DHX16: variants seen among roughly 807,000 people sequenced by gnomAD.
The protein encoded by DHX16 is DEAH-box helicase 16.
A neutral mutation model predicts 131.2 loss-of-function variants in DHX16; 81 were observed. That is an observed-to-expected ratio of 0.62 (90% CI 0.52 to 0.74). The LOEUF (loss-of-function observed/expected upper bound fraction) is 0.74. Among genes scored for constraint, DHX16 ranks in the 30% least tolerant of loss-of-function variants. The pLI is 0.00. For missense variants in DHX16, 980 were observed against 1,363.1 expected, an observed-to-expected ratio of 0.72 and a Z score of 4.43; for synonymous variants, 440 against 520.2, an observed-to-expected ratio of 0.85 and a Z score of 2.10.
In DHX16 at chr6:30,665,487, G is replaced by A. The variant is rs765508826; in HGVS notation, c.913C>T (p.Arg305Ter). 6.8e-6 allele frequency: 11 copies of A among 1,612,724 alleles called. No homozygotes were observed. In the South Asian group the frequency reaches 7.7e-5, roughly 11 times the overall value. Reference protein sequence around the residue: ...TNRYHMPKETRGQPARAVDLV... With the variant: ...TNRYHMPKET ...ACGCCGCTTCACCTCACCTGTCCTC[G>A]GGTTTCCTTGGGCATGTGGTAGCGA... Residue 305 changes from arginine to a stop codon, truncating the protein, a stop_gained, in exon 5 of 20, where the codon CGA (arginine) becomes TGA (stop). Coordinates refer to ENST00000376442, the MANE Select transcript of DHX16 (RefSeq NM_003587.5). LOFTEE classifies it high-confidence loss of function. The surrounding 1 kb of genome is among the most constrained non-coding windows in gnomAD (Gnocchi z 4.8).
intron 9 of DHX16, among the ~76,000 whole-genome samples, chr6:30,660,973 C>CT (rs1326086497): frequency 6.6e-6 from 1 of 151,922 alleles, no homozygotes; most frequent in Non-Finnish European, 1.5e-5. Context: ...TCTCAGCTCA[C>CT]TGCAAGCTCC....
At chr6:30,661,274 G>A (rs527416408) in intron 9 of DHX16, among the ~76,000 whole-genome samples, 4 of 152,228 alleles carry the variant, frequency 2.6e-5, no homozygotes, top group Non-Finnish European at 4.4e-5. Context: ...TAGTAGAGAC[G>A]GGGTTTCACC....
chr6:30,657,936 T>A (rs536114798), intron 12 of DHX16, among the ~76,000 whole-genome samples: 158 of 152,342 alleles, frequency 1.0e-3, no homozygotes, highest in African/African-American at 3.8e-3. Context: ...TATTTATGCA[T>A]CCACTGCTTC....
In DHX16 at chr6:30,662,394, G is replaced by A. The variant is rs1768593579; in HGVS notation, c.1544+233C>T. Among the ~76,000 whole-genome samples the A allele has an allele frequency of 6.6e-6, 1 of 152,128 alleles. No homozygotes were observed. Among genetic ancestry groups the A allele is most frequent in the Non-Finnish European group, 1.5e-5 (1 of 68,038 alleles). On this transcript the variant is annotated intron_variant, in intron 9 of 19. Coordinates refer to ENST00000376442, the MANE Select transcript of DHX16 (RefSeq NM_003587.5). The surrounding 1 kb of genome is among the most constrained non-coding windows in gnomAD (Gnocchi z 4.7). The stretch of plus-strand genomic sequence containing the variant: ...GTCTTCACACGGTATTTCAAGTCTC[G>A]GCAGCAATGCTCTGCTATCCTGGTT...
chr6:30,672,067 C>CT (rs1769608720), intron 1 of DHX16, among the ~76,000 whole-genome samples: 1 of 151,570 alleles, frequency 6.6e-6, no homozygotes, highest in Non-Finnish European at 1.5e-5. Flanking sequence ...TCTCAGCACT[C>CT]TGAGGGGGCT....
At chr6:30,664,235 G>A (rs1350253411) in intron 7 of DHX16, among the ~76,000 whole-genome samples, 2 of 151,836 alleles carry the variant, frequency 1.3e-5, no homozygotes, top group African/African-American at 4.8e-5. Context: ...TGTAATCCCA[G>A]CACTTTGGGA....
chr6:30,664,052 G>A (rs1768774114), intron 7 of DHX16, among the ~76,000 whole-genome samples: 1 of 151,526 alleles, frequency 6.6e-6, no homozygotes, highest in Non-Finnish European at 1.5e-5. Flanking sequence ...TTTAATATGG[G>A]CATGGTGGTG....
chr6:30,664,634 G>A (rs1768840519), intron 7 of DHX16, among the ~76,000 whole-genome samples, 167 bp downstream of exon 7: 1 of 152,178 alleles, frequency 6.6e-6, no homozygotes, highest in Non-Finnish European at 1.5e-5. Context: ...TGCAGGAAGT[G>A]AGAACAGAAA....
chr6:30,655,386 A>C, intron 17 of DHX16, 49 bp downstream of exon 17: 3 of 1,613,944 alleles, frequency 1.9e-6, no homozygotes, highest in Non-Finnish European at 1.7e-6. Context: ...ATACAGCAGG[A>C]CTAAAGTCCC....
chr6:30,667,523 A>G (rs1769155250), intron 4 of DHX16, among the ~76,000 whole-genome samples: 1 of 150,832 alleles, frequency 6.6e-6, no homozygotes, highest in South Asian at 2.1e-4. Flanking sequence ...CAGAGCTTGC[A>G]GTGAGCCGAG....
chr6:30,665,740 T>C lies in DHX16; in HGVS notation c.667-7A>G, dbSNP rs756579408. On this transcript the variant is annotated splice_polypyrimidine_tract_variant and splice_region_variant and intron_variant, in intron 4 of 19. Transcript: ENST00000376442. This position sits in a 1 kb window ranked among gnomAD's most constrained non-coding sequence, Gnocchi z 4.8. The stretch of plus-strand genomic sequence containing the variant: ...TCTTCCGCAGCTCAGGGACCTGAGT[T>C]GGGAAAGGACAGTCGAATCCTCATC... 1.3e-5 allele frequency: 21 copies of C among 1,607,028 alleles called. No homozygotes were observed. Among genetic ancestry groups the C allele is most frequent in the Non-Finnish European group, 1.7e-5 (20 of 1,179,620 alleles).
chr6:30,662,050 C>A lies in DHX16; in HGVS notation c.1544+577G>T. 1 of 591,856 alleles carries A rather than the reference C, an allele frequency of 1.7e-6. No homozygotes were observed. The allele number at this position is 591,856 out of a possible 1,614,324, so 36.7% of individuals were successfully genotyped here. A position where few individuals can be genotyped will look rare whatever the true frequency, so the allele number is the denominator to read the frequency against. On this transcript the variant is annotated intron_variant, in intron 9 of 19. Transcript: ENST00000376442. This position sits in a 1 kb window ranked among gnomAD's most constrained non-coding sequence, Gnocchi z 4.7. Reference sequence around the variant, plus strand: ...CCCCCTCAACACATGTTCAACCAACCCCTGCTTGGCCATTTCCAGCACTAA... The same window carrying A: ...CCCCCTCAACACATGTTCAACCAACACCTGCTTGGCCATTTCCAGCACTAA...
rs1767808363 is a variant in DHX16 at position 30,654,798 on chromosome 6, A to C, written c.2905T>G (p.Phe969Val). 1 of 1,612,918 alleles carries C rather than the reference A, an allele frequency of 6.2e-7. No homozygotes were observed. The highest frequency in any genetic ancestry group is 1.3e-5 in the African/African-American group (1 of 74,914). Reference protein sequence around the residue: ...YRTVKQQQTVFIHPNSSLFEQ... With the variant: ...YRTVKQQQTVVIHPNSSLFEQ... ...AAGAGGGAGGAGTTGGGATGAATGA[A>C]GACTGTCTGCTGCTGTTTCACTGTG... The change falls in exon 19 of 20, where the codon TTC becomes GTC. Residue 969 changes from phenylalanine (F) to valine (V), a missense_variant. Physicochemically the swap from Phe to Val is conservative, Grantham distance 50. Around this residue, in one of 3 missense-constraint regions of DHX16, gnomAD observed 214 missense variants for 271.2 expected, o/e 0.79. Transcript: ENST00000376442.
chr6:30,659,038 C>T (rs1768233339), intron 12 of DHX16, among the ~76,000 whole-genome samples: 1 of 152,170 alleles, frequency 6.6e-6, no homozygotes, highest in African/African-American at 2.4e-5. Flanking sequence ...AGGCGCACGC[C>T]ACCATGCCCT....
In DHX16 at chr6:30,662,048, A is replaced by C; in HGVS notation, c.1544+579T>G. Reference sequence around the variant, plus strand: ...TTCCCCCTCAACACATGTTCAACCAACCCCTGCTTGGCCATTTCCAGCACT... The same window carrying C: ...TTCCCCCTCAACACATGTTCAACCACCCCCTGCTTGGCCATTTCCAGCACT... On this transcript the variant is annotated intron_variant, in intron 9 of 19. Transcript: ENST00000376442. The surrounding 1 kb of genome is among the most constrained non-coding windows in gnomAD (Gnocchi z 4.7). 2 of 586,224 alleles carry C rather than the reference A, an allele frequency of 3.4e-6. No individual in the cohort carries two copies. Among genetic ancestry groups the C allele is most frequent in the South Asian group, 2.0e-5 (1 of 51,246 alleles). The allele number at this position is 586,224 out of a possible 1,614,324, so 36.3% of individuals were successfully genotyped here. A position where few individuals can be genotyped will look rare whatever the true frequency, so the allele number is the denominator to read the frequency against.
At position 30,655,421 on chromosome 6, in the gene DHX16, C is replaced by A; in HGVS notation, c.2661+14G>T. 6.2e-7 allele frequency: 1 copy of A among 1,614,040 alleles called. No homozygotes were observed. Among genetic ancestry groups the A allele is most frequent in the Non-Finnish European group, 8.5e-7 (1 of 1,180,036 alleles). On this transcript the variant is annotated intron_variant, in intron 17 of 19. Coordinates refer to ENST00000376442, the MANE Select transcript of DHX16 (RefSeq NM_003587.5). ...CCCAGTGTCTCTCATTCCCACTCACCCAAGCCCAGTGACCTGTGTGTAAAC... is the reference window on the plus strand; with the variant it reads ...CCCAGTGTCTCTCATTCCCACTCACACAAGCCCAGTGACCTGTGTGTAAAC...
chr6:30,672,119 C>A (rs116195539), intron 1 of DHX16, among the ~76,000 whole-genome samples: 3,270 of 151,450 alleles, frequency 0.022, 86 homozygotes, highest in East Asian at 0.069. Context: ...GACCAGCCTG[C>A]GCAACACACC....
In DHX16 at chr6:30,656,857, C is replaced by G; in HGVS notation, c.2148+95G>C. 1.3e-6 allele frequency: 2 copies of G among 1,589,840 alleles called. No individual in the cohort carries two copies. The highest frequency in any genetic ancestry group is 1.7e-6 in the Non-Finnish European group (2 of 1,167,620). On this transcript the variant is annotated intron_variant, in intron 13 of 19. Coordinates refer to ENST00000376442, the MANE Select transcript of DHX16 (RefSeq NM_003587.5). The surrounding 1 kb of genome is among the most constrained non-coding windows in gnomAD (Gnocchi z 5.1). ...ATCTGGAAGGATGCAAACTGCTCATCCCGGTTCCCTAGGAAGCCCCCACCC... is the reference window on the plus strand; with the variant it reads ...ATCTGGAAGGATGCAAACTGCTCATGCCGGTTCCCTAGGAAGCCCCCACCC...
rs141713098 is a variant in DHX16, at chr6:30,659,699, G to A, written c.1854+37C>T. 22 of 1,612,948 alleles carry A rather than the reference G, an allele frequency of 1.4e-5. No individual in the cohort carries two copies. The East Asian group carries it at 4.2e-4, about 31-fold the overall frequency. ...CAACATGCCGGCCCTGTCTTCCCCT[G>A]GGATACATCATCCCCTCTCCCCACC... On this transcript the variant is annotated intron_variant, in intron 11 of 19. Coordinates refer to ENST00000376442, the MANE Select transcript of DHX16 (RefSeq NM_003587.5).
Sources: gnomAD v4.1 joint callset for allele counts (sites outside exome capture counted in the v4.1 genomes callset) on GRCh38, gnomAD v4.1.1 for gene constraint, gnomAD v4.1.1 regional missense constraint, Gnocchi (gnomAD v3.1) non-coding constraint, MANE v1.5 for transcripts, NCBI Gene and HGNC (gene_info 2026-07-23, HGNC 2026-07-21) for gene names.